CCSER1: variants seen among roughly 807,000 people sequenced by gnomAD.
CCSER1 encodes the protein coiled-coil serine rich protein 1, also known as serine-rich coiled-coil domain-containing protein 1.
In CCSER1, 41 loss-of-function variants were observed where a neutral mutation model predicts 82.0. That is an observed-to-expected ratio of 0.50 (90% CI 0.39 to 0.65). CCSER1 has a LOEUF of 0.65. CCSER1 is among the 30% of genes least tolerant of loss of function. The pLI, the probability that CCSER1 is intolerant of heterozygous loss-of-function variation, is 0.00. For missense variants in CCSER1, 1,119 were observed against 1,064.2 expected (o/e 1.05, Z -0.72); for synonymous variants, 414 against 383.9 (o/e 1.08, Z -0.92).
chr4:90,732,710 A>T (rs938379792), intron 7 of CCSER1, among the ~76,000 whole-genome samples: 11 of 152,144 alleles, frequency 7.2e-5, no homozygotes, highest in African/African-American at 2.7e-4. Context: ...TAAGCACTAT[A>T]TATTAATTTG....
intron 9 of CCSER1, among the ~76,000 whole-genome samples, chr4:91,064,807 C>CTAGT (rs1031412218): frequency 1.3e-5 from 2 of 152,300 alleles, no homozygotes; most frequent in African/African-American, 4.8e-5. Flanking sequence ...CCTGTGGTAA[C>CTAGT]TGCTCTATTT....
At chr4:90,570,327 A>T (rs1779946890) in intron 5 of CCSER1, among the ~76,000 whole-genome samples, 1 of 151,976 alleles carries the variant, frequency 6.6e-6, no homozygotes, top group Non-Finnish European at 1.5e-5. Flanking sequence ...TTGGAGGGAG[A>T]TCCATTGGGT....
chr4:90,689,216 G>A (rs1210694449), intron 6 of CCSER1, among the ~76,000 whole-genome samples: 2 of 152,064 alleles, frequency 1.3e-5, no homozygotes, highest in Non-Finnish European at 2.9e-5. Flanking sequence ...AGGGAACACA[G>A]AATTAGATCT....
intron 10 of CCSER1, among the ~76,000 whole-genome samples, chr4:91,427,890 G>A (rs1197510020): frequency 6.7e-6 from 1 of 148,150 alleles, no homozygotes; most frequent in Non-Finnish European, 1.5e-5. Context: ...TTGATTAAAT[G>A]TCTTTGTGTA....
At chr4:90,182,016 G>A (rs1160163214) in intron 1 of CCSER1, among the ~76,000 whole-genome samples, 1 of 152,106 alleles carries the variant, frequency 6.6e-6, no homozygotes, top group Non-Finnish European at 1.5e-5. Context: ...TGTACGTAGA[G>A]GCTGTGGGCA....
intron 10 of CCSER1, chr4:91,319,640 C>A (rs1248568781): frequency 2.2e-6 from 1 of 455,422 alleles, no homozygotes; most frequent in South Asian, 1.6e-5. Flanking sequence ...AAAATATTAA[C>A]CTACCTAATA....
intron 10 of CCSER1, among the ~76,000 whole-genome samples, chr4:91,095,560 G>A (rs996803501): frequency 5.9e-5 from 9 of 152,102 alleles, no homozygotes; most frequent in Non-Finnish European, 1.5e-5. Context: ...GCCTGTTTTT[G>A]CGATTTCCTC....
chr4:90,284,098 C>T (rs989692631), intron 1 of CCSER1, among the ~76,000 whole-genome samples: 1 of 151,954 alleles, frequency 6.6e-6, no homozygotes, highest in African/African-American at 2.4e-5. Context: ...TTTCATATAC[C>T]AGTAGGCCAT....
intron 7 of CCSER1, among the ~76,000 whole-genome samples, chr4:90,742,920 AAAAT>A (rs1268873940): frequency 6.6e-6 from 1 of 152,240 alleles, no homozygotes; most frequent in African/African-American, 2.4e-5. Context: ...TAAAATGAGT[AAAAT>A]AAACAAATAT....
rs80198236 is a variant in CCSER1 at position 90,992,154 on chromosome 4, T to A, written c.2172+68707T>A. 1.1e-3 allele frequency among the ~76,000 whole-genome samples: 162 copies of A among 152,172 alleles called. 5 individuals carry two copies. In the East Asian group the frequency reaches 0.03, roughly 28 times the overall value. Reference sequence around the variant, plus strand: ...AATCTATGATAAAATTCTGCCAAACTTGTAGATAATTTTAACTACACTAGC... The same window carrying A: ...AATCTATGATAAAATTCTGCCAAACATGTAGATAATTTTAACTACACTAGC... On this transcript the variant is annotated intron_variant, in intron 9 of 10. Coordinates refer to ENST00000509176, the MANE Select transcript of CCSER1 (RefSeq NM_001145065.2).
intron 3 of CCSER1, among the ~76,000 whole-genome samples, chr4:90,372,168 T>G (rs1028365550): frequency 6.6e-6 from 1 of 152,070 alleles, no homozygotes; most frequent in Non-Finnish European, 1.5e-5. Flanking sequence ...AAATTCCTCC[T>G]GGGAAAAAAT....
chr4:91,095,123 C>G (rs1561544555), intron 10 of CCSER1, among the ~76,000 whole-genome samples: 1 of 152,136 alleles, frequency 6.6e-6, no homozygotes, highest in Non-Finnish European at 1.5e-5. Flanking sequence ...ACTTAATGTC[C>G]TTGCCCCCTA....
chr4:91,062,612 A>G (rs2148741130), intron 9 of CCSER1, among the ~76,000 whole-genome samples: 1 of 152,170 alleles, frequency 6.6e-6, no homozygotes, highest in African/African-American at 2.4e-5. Context: ...TCTTGAGCTT[A>G]CCCACACCTG....
intron 3 of CCSER1, among the ~76,000 whole-genome samples, chr4:90,367,740 A>C: frequency 6.6e-6 from 1 of 151,838 alleles, no homozygotes; most frequent in Non-Finnish European, 1.5e-5. Context: ...ACAGAGGTGA[A>C]AGGTTCCAGA....
intron 10 of CCSER1, among the ~76,000 whole-genome samples, chr4:91,160,634 C>T (rs537394810): frequency 6.6e-6 from 1 of 152,176 alleles, no homozygotes; most frequent in Non-Finnish European, 1.5e-5. Context: ...ATTTGCATTT[C>T]TCTGATGACC....
chr4:90,470,997 G>T (rs1764327221), intron 5 of CCSER1, among the ~76,000 whole-genome samples: 1 of 151,984 alleles, frequency 6.6e-6, no homozygotes, highest in Non-Finnish European at 1.5e-5. Context: ...ATAAAAGAAG[G>T]CAGAGATAGA....
chr4:90,881,858 T>TATACATCAAGAA (rs1179979257), intron 8 of CCSER1, among the ~76,000 whole-genome samples: 3 of 152,100 alleles, frequency 2.0e-5, no homozygotes, highest in Non-Finnish European at 4.4e-5. Flanking sequence ...TCTTCCCCTG[T>TATACATCAAGAA]CTATTCCACT....
chr4:90,702,433 C>CT (rs908756687), intron 6 of CCSER1, among the ~76,000 whole-genome samples: 8 of 152,122 alleles, frequency 5.3e-5, no homozygotes, highest in African/African-American at 1.7e-4. Flanking sequence ...CTAAAATTCT[C>CT]TTTTTTTGTT....
At chr4:90,527,159 G>A (rs545338436) in intron 5 of CCSER1, among the ~76,000 whole-genome samples, 1 of 152,236 alleles carries the variant, frequency 6.6e-6, no homozygotes, top group Admixed American at 6.5e-5. Context: ...GAGTGAGCAG[G>A]CAACCTACAG....
Sources: allele counts gnomAD v4.1 joint callset (sites outside exome capture counted in the v4.1 genomes callset), GRCh38; gene constraint gnomAD v4.1.1; transcripts MANE v1.5; gene names NCBI Gene and HGNC (gene_info 2026-07-23, HGNC 2026-07-21).